IRX3: variants seen among roughly 807,000 people sequenced by gnomAD.
The protein encoded by IRX3 is iroquois-class homeodomain protein IRX-3.
In IRX3, 20 loss-of-function variants were observed where a neutral mutation model predicts 36.4. That is an observed-to-expected ratio of 0.55 (90% CI 0.39 to 0.80). The LOEUF (loss-of-function observed/expected upper bound fraction) is 0.80. IRX3 is among the 30% of genes least tolerant of loss of function. The probability of loss-of-function intolerance (pLI) is 0.00; values close to 1 mark genes in which losing one functional copy is unlikely to be tolerated. For missense variants in IRX3, 718 were observed against 733.2 expected (o/e 0.98, Z 0.24); for synonymous variants, 404 against 351.6 (o/e 1.15, Z -1.67).
In IRX3 at chr16:54,284,401, G is replaced by A. The variant is rs965481800; in HGVS notation, c.1385-89C>T. The A allele has an allele frequency of 3.2e-5, 46 of 1,456,790 alleles. No individual in the cohort carries two copies. Among genetic ancestry groups the A allele is most frequent in the Admixed American group, 6.0e-5 (2 of 33,420 alleles). The allele number at this position is 1,456,790 out of a possible 1,614,324, so 90.2% of individuals were successfully genotyped here. A position where few individuals can be genotyped will look rare whatever the true frequency, so the allele number is the denominator to read the frequency against. On this transcript the variant is annotated intron_variant, in intron 2 of 3. Coordinates refer to ENST00000329734, the MANE Select transcript of IRX3 (RefSeq NM_024336.3). This position sits in a 1 kb window ranked among gnomAD's most constrained non-coding sequence, Gnocchi z 4.0. ...GCAGAAAGCAGGAGTGGAGAGGGAC[G>A]CGCGCCCTGCGCCCCCCGGGCCCTG...
rs1361867084 is a variant in IRX3, at chr16:54,285,108, T to C, written c.773A>G (p.Asn258Ser). The change falls in exon 2 of 4, where the codon AAC becomes AGC. Residue 258 changes from asparagine (N) to serine (S), a missense_variant. Asn to Ser is a conservative substitution (Grantham distance 46). Coordinates refer to ENST00000329734, the MANE Select transcript of IRX3 (RefSeq NM_024336.3). The surrounding 1 kb of genome is among the most constrained non-coding windows in gnomAD (Gnocchi z 5.7). Reference sequence around the variant, plus strand: ...AGGCTCGGTGGCCGCGCCGTCTAAGTTCTCCAAATCGATCTCCTCGTCCTC... The same window carrying C: ...AGGCTCGGTGGCCGCGCCGTCTAAGCTCTCCAAATCGATCTCCTCGTCCTC... The part of the protein sequence containing the change: ...DDEDEEIDLE[N>S]LDGAATEPEL... 3 of 1,612,972 alleles carry C rather than the reference T, an allele frequency of 1.9e-6. No homozygotes were observed. In the African/African-American group the frequency reaches 4.0e-5, roughly 22 times the overall value.
In IRX3 at chr16:54,283,643, G is replaced by T. The variant is rs900680954; in HGVS notation, c.*43C>A. ...ATTTTTTTTATACAATTATTACAAC[G>T]ATTAAAAAAAGTTTTTTTTGTTTTT... On this transcript the variant is annotated 3_prime_UTR_variant, in exon 4 of 4. Coordinates refer to ENST00000329734, the MANE Select transcript of IRX3 (RefSeq NM_024336.3). The surrounding 1 kb of genome is among the most constrained non-coding windows in gnomAD (Gnocchi z 4.4). The T allele has an allele frequency of 2.2e-6, 2 of 912,226 alleles. No individual in the cohort carries two copies. The highest frequency in any genetic ancestry group is 3.5e-6 in the Non-Finnish European group (2 of 569,050). 56.5% of individuals were successfully genotyped at this position (912,226 alleles called of 1,614,324 possible).
Position 54,285,787 on chromosome 16 carries a change from C to T in IRX3, c.264G>A (p.Gln88=). 6 of 1,554,124 alleles carry T rather than the reference C, an allele frequency of 3.9e-6. No individual in the cohort carries two copies. The South Asian group carries it at 7.1e-5, about 18-fold the overall frequency. Residue 88 remains glutamine, a synonymous_variant, in exon 1 of 4, where the codon CAG becomes CAA. Coordinates refer to ENST00000329734, the MANE Select transcript of IRX3 (RefSeq NM_024336.3). This position sits in a 1 kb window ranked among gnomAD's most constrained non-coding sequence, Gnocchi z 5.7. The stretch of plus-strand genomic sequence containing the variant: ...CCCTGGCTCCGCGGGCTCTTACCAG[C>T]TGCGGGAAGATGGGCAGCTCCGCGG... ...PYAAELPIFP[Q]LGAQYELKDS...
At position 54,284,162 on chromosome 16, in the gene IRX3, GCAAAAGGCCGTGC is replaced by G. The variant is rs749017721; in HGVS notation, c.1451+71_1451+83del. On this transcript the variant is annotated intron_variant, in intron 3 of 3. Transcript: ENST00000329734. This position sits in a 1 kb window ranked among gnomAD's most constrained non-coding sequence, Gnocchi z 4.0. ...CAGCAGGGTTCCCCCCTACCCCGGGGCAAAAGGCCGTGCGTGGTGCTCGGCGTCCTCTCCTTTC... is the reference window on the plus strand; with the variant it reads ...CAGCAGGGTTCCCCCCTACCCCGGGGGTGGTGCTCGGCGTCCTCTCCTTTC... 7.0e-5 allele frequency: 97 copies of G among 1,378,386 alleles called. No homozygotes were observed. Among genetic ancestry groups the G allele is most frequent in the Non-Finnish European group, 9.7e-5 (96 of 990,248 alleles). The allele number at this position is 1,378,386 out of a possible 1,614,324, so 85.4% of individuals were successfully genotyped here.
At position 54,284,710 on chromosome 16, in the gene IRX3, C is replaced by T. The variant is rs1481799187; in HGVS notation, c.1171G>A (p.Ala391Thr). 7.0e-7 allele frequency: 1 copy of T among 1,426,914 alleles called. No homozygotes were observed. Among genetic ancestry groups the T allele is most frequent in the Admixed American group, 3.2e-5 (1 of 31,460 alleles). 88.4% of individuals were successfully genotyped at this position (1,426,914 alleles called of 1,614,324 possible). A position where few individuals can be genotyped will look rare whatever the true frequency, so the allele number is the denominator to read the frequency against. Residue 391 changes from alanine to threonine, a missense_variant, in exon 2 of 4, where the codon GCC becomes ACC. Around this residue, in one of 3 missense-constraint regions of IRX3, gnomAD observed 468 missense variants for 462.1 expected, o/e 1.01. Transcript: ENST00000329734. This position sits in a 1 kb window ranked among gnomAD's most constrained non-coding sequence, Gnocchi z 4.0. ...SALQLSPAAAAAAAHRLVSAP... is the reference protein window; with the variant it reads ...SALQLSPAAATAAAHRLVSAP... The stretch of plus-strand genomic sequence containing the variant: ...GAGACCAGTCTGTGAGCGGCGGCGG[C>T]GGCGGCGGCCGGAGAGAGCTGCAGG...
chr16:54,285,956 G>A lies in IRX3; in HGVS notation c.95C>T (p.Ala32Val). 2 of 1,413,326 alleles carry A rather than the reference G, an allele frequency of 1.4e-6. No homozygotes were observed. Among genetic ancestry groups the A allele is most frequent in the Non-Finnish European group, 1.8e-6 (2 of 1,084,514 alleles). 87.5% of individuals were successfully genotyped at this position (1,413,326 alleles called of 1,614,324 possible). A position where few individuals can be genotyped will look rare whatever the true frequency, so the allele number is the denominator to read the frequency against. Residue 32 changes from alanine to valine, a missense_variant, in exon 1 of 4, where the codon GCC becomes GTC. Ala to Val is a moderately conservative substitution (Grantham distance 64). This residue lies in a region of IRX3 where 204 missense variants were observed against 181.4 expected (regional missense o/e 1.12). Transcript: ENST00000329734. This position sits in a 1 kb window ranked among gnomAD's most constrained non-coding sequence, Gnocchi z 5.7. The stretch of plus-strand genomic sequence containing the variant: ...GGCTCCGGCACCCAGGCCGCCCCGG[G>A]CCCCCGCGCTGCCGCCGCTGCCGCC... Reference protein sequence around the residue: ...AAGGSGGSAGARGGLGAGASE... With the variant: ...AAGGSGGSAGVRGGLGAGASE...
At position 54,286,431 on chromosome 16, in the gene IRX3, C is replaced by T; in HGVS notation, c.-381G>A. Reference sequence around the variant, plus strand: ...CCCCAGCAGTGTCGCGCCTCGCTTCCTTCGCCCTCCTCTAGTTTTCACTCC... The same window carrying T: ...CCCCAGCAGTGTCGCGCCTCGCTTCTTTCGCCCTCCTCTAGTTTTCACTCC... On this transcript the variant is annotated 5_prime_UTR_variant, in exon 1 of 4. Transcript: ENST00000329734. The T allele has an allele frequency of 1.0e-6, 1 of 977,956 alleles. No individual in the cohort carries two copies. Among genetic ancestry groups the T allele is most frequent in the Non-Finnish European group, 1.2e-6 (1 of 823,054 alleles). The allele number at this position is 977,956 out of a possible 1,614,324, so 60.6% of individuals were successfully genotyped here. A position where few individuals can be genotyped will look rare whatever the true frequency, so the allele number is the denominator to read the frequency against.
rs1182017159 is a variant in IRX3, at chr16:54,283,655, TTTTTTTTG to T, written c.*23_*30del. On this transcript the variant is annotated 3_prime_UTR_variant, in exon 4 of 4. Transcript: ENST00000329734. This position sits in a 1 kb window ranked among gnomAD's most constrained non-coding sequence, Gnocchi z 4.4. Reference sequence around the variant, plus strand: ...CAATTATTACAACGATTAAAAAAAGTTTTTTTTGTTTTTTTGTTTTTTTTAAAGAACTA... The same window carrying T: ...CAATTATTACAACGATTAAAAAAAGTTTTTTTTGTTTTTTTTAAAGAACTA... 9 of 1,044,886 alleles carry T rather than the reference TTTTTTTTG, an allele frequency of 8.6e-6. No homozygotes were observed. The highest frequency in any genetic ancestry group is 5.0e-5 in the African/African-American group (3 of 59,572). 64.7% of individuals were successfully genotyped at this position (1,044,886 alleles called of 1,614,324 possible).
In IRX3 at chr16:54,284,563, C is replaced by G. The variant is rs759787704; in HGVS notation, c.1318G>C (p.Gly440Arg). 7.1e-7 allele frequency: 1 copy of G among 1,415,450 alleles called. No homozygotes were observed. Among genetic ancestry groups the G allele is most frequent in the Non-Finnish European group, 9.1e-7 (1 of 1,095,916 alleles). 87.7% of individuals were successfully genotyped at this position (1,415,450 alleles called of 1,614,324 possible). The change falls in exon 2 of 4, where the codon GGA becomes CGA. Residue 440 changes from glycine (G) to arginine (R), a missense_variant. By Grantham distance (125) the Gly-to-Arg change is moderately radical. This residue lies in a region of IRX3 where 468 missense variants were observed against 462.1 expected (regional missense o/e 1.01). Coordinates refer to ENST00000329734, the MANE Select transcript of IRX3 (RefSeq NM_024336.3). This position sits in a 1 kb window ranked among gnomAD's most constrained non-coding sequence, Gnocchi z 4.0. ...GCGGCAGCCGGGTGGCCCGCGGCTC[C>G]GGGAAGTCCCAGCAGGTGCGGAGGG... ...SAPPHLLGLP[G>R]AAGHPAAAAA...
rs1481576031 is a variant in IRX3, at chr16:54,286,118, G to A, written c.-68C>T. ...GGCCGCCCAGCTCAGCGCCGCCCGCGGGCTCCGGCGCGCATCGGGGGCTGG... is the reference window on the plus strand; with the variant it reads ...GGCCGCCCAGCTCAGCGCCGCCCGCAGGCTCCGGCGCGCATCGGGGGCTGG... On this transcript the variant is annotated 5_prime_UTR_variant, in exon 1 of 4. Coordinates refer to ENST00000329734, the MANE Select transcript of IRX3 (RefSeq NM_024336.3). 3.4e-6 allele frequency: 4 copies of A among 1,175,886 alleles called. No individual in the cohort carries two copies. The African/African-American group carries it at 4.9e-5, about 14-fold the overall frequency. 72.8% of individuals were successfully genotyped at this position (1,175,886 alleles called of 1,614,324 possible).
At position 54,284,328 on chromosome 16, in the gene IRX3, G is replaced by A. The variant is rs1901255816; in HGVS notation, c.1385-16C>T. 6.3e-7 allele frequency: 1 copy of A among 1,599,942 alleles called. No individual in the cohort carries two copies. The highest frequency in any genetic ancestry group is 2.3e-5 in the East Asian group (1 of 43,488). On this transcript the variant is annotated splice_polypyrimidine_tract_variant and intron_variant, in intron 2 of 3. Transcript: ENST00000329734. The surrounding 1 kb of genome is among the most constrained non-coding windows in gnomAD (Gnocchi z 4.0). ...CTACAGCGATCTAAGGGAAGCGGGG[G>A]AAGAAAAAGGAGGGCCTTTAGAGCG...
rs1277939161 is a variant in IRX3 at position 54,286,505 on chromosome 16, C to T, written c.-455G>A. 5.3e-6 allele frequency: 3 copies of T among 561,948 alleles called. No individual in the cohort carries two copies. Among genetic ancestry groups the T allele is most frequent in the Non-Finnish European group, 6.8e-6 (3 of 443,154 alleles). The allele number at this position is 561,948 out of a possible 1,614,324, so 34.8% of individuals were successfully genotyped here. A position where few individuals can be genotyped will look rare whatever the true frequency, so the allele number is the denominator to read the frequency against. On this transcript the variant is annotated 5_prime_UTR_variant, in exon 1 of 4. Coordinates refer to ENST00000329734, the MANE Select transcript of IRX3 (RefSeq NM_024336.3). ...TCCCCTCTCCGCACTCCTCTTCCCC[C>T]CAGGATCGCTTCCGCTGCTTCGGGC...
Position 54,286,273 on chromosome 16 carries a change from C to A in IRX3, c.-223G>T. 2.0e-6 allele frequency: 2 copies of A among 1,002,376 alleles called. No individual in the cohort carries two copies. The highest frequency in any genetic ancestry group is 2.4e-6 in the Non-Finnish European group (2 of 841,552). The allele number at this position is 1,002,376 out of a possible 1,614,324, so 62.1% of individuals were successfully genotyped here. Reference sequence around the variant, plus strand: ...GCCAGGTCAGGTCCGAACAGATTGGCGGAGATTCCCGGGGCTCCGGGCTCT... The same window carrying A: ...GCCAGGTCAGGTCCGAACAGATTGGAGGAGATTCCCGGGGCTCCGGGCTCT... On this transcript the variant is annotated 5_prime_UTR_variant, in exon 1 of 4. Transcript: ENST00000329734.
At position 54,285,566 on chromosome 16, in the gene IRX3, G is replaced by T. The variant is rs779892926; in HGVS notation, c.315C>A (p.Ala105=). The T allele has an allele frequency of 1.3e-6, 2 of 1,590,074 alleles. No homozygotes were observed. The highest frequency in any genetic ancestry group is 1.1e-5 in the South Asian group (1 of 88,310). ...GCGGGTGCGGAAACGCGGCAGCCGC[G>T]GCCGGATGCTGCACCCCGGGGCTGT... ...LKDSPGVQHP[A]AAAAFPHPHP... The change falls in exon 2 of 4, where the codon GCC becomes GCA. Residue 105 remains alanine (A), a synonymous_variant. Coordinates refer to ENST00000329734, the MANE Select transcript of IRX3 (RefSeq NM_024336.3). The surrounding 1 kb of genome is among the most constrained non-coding windows in gnomAD (Gnocchi z 5.7).
chr16:54,286,502 C>T lies in IRX3; in HGVS notation c.-452G>A. On this transcript the variant is annotated 5_prime_UTR_variant, in exon 1 of 4. Coordinates refer to ENST00000329734, the MANE Select transcript of IRX3 (RefSeq NM_024336.3). ...CCCTCCCCTCTCCGCACTCCTCTTCCCCCCAGGATCGCTTCCGCTGCTTCG... is the reference window on the plus strand; with the variant it reads ...CCCTCCCCTCTCCGCACTCCTCTTCTCCCCAGGATCGCTTCCGCTGCTTCG... 1.7e-6 allele frequency: 1 copy of T among 579,856 alleles called. No individual in the cohort carries two copies. The highest frequency in any genetic ancestry group is 2.2e-6 in the Non-Finnish European group (1 of 459,534). 35.9% of individuals were successfully genotyped at this position (579,856 alleles called of 1,614,324 possible).
chr16:54,286,114 C>T lies in IRX3; in HGVS notation c.-64G>A. The T allele has an allele frequency of 8.5e-7, 1 of 1,181,396 alleles. No individual in the cohort carries two copies. Among genetic ancestry groups the T allele is most frequent in the South Asian group, 4.2e-5 (1 of 23,892 alleles). 73.2% of individuals were successfully genotyped at this position (1,181,396 alleles called of 1,614,324 possible). ...CCCGGGCCGCCCAGCTCAGCGCCGC[C>T]CGCGGGCTCCGGCGCGCATCGGGGG... is the stretch of plus-strand genomic sequence containing the variant. On this transcript the variant is annotated 5_prime_UTR_variant, in exon 1 of 4. Transcript: ENST00000329734.
At position 54,286,157 on chromosome 16, in the gene IRX3, C is replaced by G. The variant is rs538981562; in HGVS notation, c.-107G>C. The G allele has an allele frequency of 1.1e-5, 12 of 1,075,860 alleles. No homozygotes were observed. In the African/African-American group the frequency reaches 1.5e-4, roughly 14 times the overall value. 66.6% of individuals were successfully genotyped at this position (1,075,860 alleles called of 1,614,324 possible). Reference sequence around the variant, plus strand: ...ATCGGGGGCTGGGCCGGGCTTGGGGCCGCGCTGCCGCCCGCGCTGCGCTGT... The same window carrying G: ...ATCGGGGGCTGGGCCGGGCTTGGGGGCGCGCTGCCGCCCGCGCTGCGCTGT... On this transcript the variant is annotated 5_prime_UTR_variant, in exon 1 of 4. Coordinates refer to ENST00000329734, the MANE Select transcript of IRX3 (RefSeq NM_024336.3).
In IRX3 at chr16:54,286,442, T is replaced by C. The variant is rs1901345065; in HGVS notation, c.-392A>G. The stretch of plus-strand genomic sequence containing the variant: ...TCGCGCCTCGCTTCCTTCGCCCTCC[T>C]CTAGTTTTCACTCCCCCTCCTCGCC... On this transcript the variant is annotated 5_prime_UTR_variant, in exon 1 of 4. Coordinates refer to ENST00000329734, the MANE Select transcript of IRX3 (RefSeq NM_024336.3). 1 of 967,902 alleles carries C rather than the reference T, an allele frequency of 1.0e-6. No homozygotes were observed. The highest frequency in any genetic ancestry group is 1.2e-6 in the Non-Finnish European group (1 of 814,120). 60.0% of individuals were successfully genotyped at this position (967,902 alleles called of 1,614,324 possible).
In IRX3 at chr16:54,284,052, G is replaced by A; in HGVS notation, c.1451+194C>T. On this transcript the variant is annotated intron_variant, in intron 3 of 3. Coordinates refer to ENST00000329734, the MANE Select transcript of IRX3 (RefSeq NM_024336.3). This position sits in a 1 kb window ranked among gnomAD's most constrained non-coding sequence, Gnocchi z 4.0. ...TGTACCCTCCGGCCGCGCCTGGGGT[G>A]CCTGGGCTGGACCTGGAGAGCTGTC... 7.9e-7 allele frequency: 1 copy of A among 1,261,830 alleles called. No homozygotes were observed. Among genetic ancestry groups the A allele is most frequent in the East Asian group, 2.6e-5 (1 of 38,936 alleles). 78.2% of individuals were successfully genotyped at this position (1,261,830 alleles called of 1,614,324 possible). A position where few individuals can be genotyped will look rare whatever the true frequency, so the allele number is the denominator to read the frequency against.
Sources: gnomAD v4.1 joint callset for allele counts on GRCh38, gnomAD v4.1.1 for gene constraint, gnomAD v4.1.1 regional missense constraint, Gnocchi (gnomAD v3.1) non-coding constraint, MANE v1.5 for transcripts, NCBI Gene and HGNC (gene_info 2026-07-23, HGNC 2026-07-21) for gene names.